Variants in LRFN2 observed in about 807,000 individuals in gnomAD.
LRFN2 encodes the protein leucine-rich repeat and fibronectin type-III domain-containing protein 2.
A neutral mutation model predicts 37.3 loss-of-function variants in LRFN2; 18 were observed. That is an observed-to-expected ratio of 0.48 (90% CI 0.33 to 0.72). LRFN2 has a LOEUF of 0.72. Ranked by LOEUF, LRFN2 falls within the 30% of genes least tolerant of loss-of-function variation. LRFN2 has a pLI of 0.02. For missense variants in LRFN2, 1,006 were observed against 1,060.7 expected (o/e 0.95, Z 0.72); for synonymous variants, 556 against 466.6 (o/e 1.19, Z -2.47).
intron 1 of LRFN2, among the ~76,000 whole-genome samples, chr6:40,490,086 C>T (rs2113869169): frequency 6.6e-6 from 1 of 152,280 alleles, no homozygotes; most frequent in East Asian, 1.9e-4. Context: ...AAGAAGGGCC[C>T]AGCACCTACT....
At chr6:40,485,923 A>T (rs528341900) in intron 1 of LRFN2, among the ~76,000 whole-genome samples, 13 of 152,324 alleles carry the variant, frequency 8.5e-5, no homozygotes, top group African/African-American at 3.1e-4. Context: ...CTCAGCTAAT[A>T]AATGTGTTAT....
At chr6:40,489,430 G>T (rs565614170) in intron 1 of LRFN2, among the ~76,000 whole-genome samples, 33 of 152,332 alleles carry the variant, frequency 2.2e-4, no homozygotes, top group African/African-American at 7.5e-4. Flanking sequence ...AGAGGCACCT[G>T]CAGACCTCCT....
At chr6:40,508,103 G>A (rs898512811) in intron 1 of LRFN2, among the ~76,000 whole-genome samples, 11 of 152,268 alleles carry the variant, frequency 7.2e-5, no homozygotes, top group Non-Finnish European at 7.4e-5. Flanking sequence ...TTCACCAGCC[G>A]TCACCTTGGG....
intron 1 of LRFN2, among the ~76,000 whole-genome samples, chr6:40,466,055 G>A (rs776635806): frequency 2.0e-5 from 3 of 152,190 alleles, no homozygotes; most frequent in Non-Finnish European, 4.4e-5. Flanking sequence ...AGCAAGGGAA[G>A]ACTTGAGGCT....
intron 1 of LRFN2, among the ~76,000 whole-genome samples, chr6:40,499,141 C>T (rs1253489430): frequency 6.6e-6 from 1 of 152,192 alleles, no homozygotes; most frequent in Non-Finnish European, 1.5e-5. Context: ...TTGTCCATTC[C>T]TCTACCAGGC....
chr6:40,519,429 C>G (rs1477585920), intron 1 of LRFN2, among the ~76,000 whole-genome samples: 3 of 152,154 alleles, frequency 2.0e-5, no homozygotes, highest in Non-Finnish European at 4.4e-5. Context: ...GAGAATACAC[C>G]CCTTGACTTT....
chr6:40,448,540 A>T (rs1169716476), intron 1 of LRFN2, among the ~76,000 whole-genome samples: 1 of 152,226 alleles, frequency 6.6e-6, no homozygotes, highest in Admixed American at 6.5e-5. Context: ...TTGGATTCTT[A>T]TCTTGCTGCA....
chr6:40,563,646 C>T (rs574161315), intron 1 of LRFN2, among the ~76,000 whole-genome samples: 2 of 152,288 alleles, frequency 1.3e-5, no homozygotes, highest in African/African-American at 4.8e-5. Flanking sequence ...ACACTGAGGG[C>T]CTGCCATGAG....
intron 1 of LRFN2, among the ~76,000 whole-genome samples, chr6:40,478,358 C>T (rs541296997): frequency 1.1e-3 from 172 of 152,280 alleles, no homozygotes; most frequent in African/African-American, 3.9e-3. Context: ...TCACCACCAC[C>T]ATGGTTAATA....
chr6:40,499,433 G>T (rs2113875140), intron 1 of LRFN2, among the ~76,000 whole-genome samples: 1 of 152,152 alleles, frequency 6.6e-6, no homozygotes, highest in African/African-American at 2.4e-5. Context: ...GTAAAAATGT[G>T]CTTTGGGCGG....
At chr6:40,474,426 T>G (rs1240156136) in intron 1 of LRFN2, among the ~76,000 whole-genome samples, 1 of 152,224 alleles carries the variant, frequency 6.6e-6, no homozygotes, top group Non-Finnish European at 1.5e-5. Context: ...TCTCCTTTTT[T>G]GTCTGTTATA....
intron 1 of LRFN2, among the ~76,000 whole-genome samples, chr6:40,441,699 C>T (rs1229961942): frequency 1.3e-5 from 2 of 152,292 alleles, no homozygotes; most frequent in East Asian, 3.9e-4. Context: ...TGCTCCTCCT[C>T]TCCCTGCCTA....
At chr6:40,525,637 C>T (rs765061924) in intron 1 of LRFN2, among the ~76,000 whole-genome samples, 12 of 152,204 alleles carry the variant, frequency 7.9e-5, no homozygotes, top group Non-Finnish European at 1.6e-4. Context: ...TTTACACATG[C>T]TCCGAGCCCA....
At chr6:40,575,560 G>A (rs986602615) in intron 1 of LRFN2, among the ~76,000 whole-genome samples, 6 of 152,192 alleles carry the variant, frequency 3.9e-5, no homozygotes, top group African/African-American at 1.4e-4. Context: ...TGGGGTAAAG[G>A]AACTTGGCCC....
At chr6:40,586,650 C>T (rs986367024) in intron 1 of LRFN2, among the ~76,000 whole-genome samples, 5 of 152,162 alleles carry the variant, frequency 3.3e-5, no homozygotes, top group Non-Finnish European at 5.9e-5. Flanking sequence ...CGTGGCTCCC[C>T]GTCTCTCCAT....
intron 2 of LRFN2, among the ~76,000 whole-genome samples, chr6:40,406,401 G>T (rs540412033): frequency 1.3e-5 from 2 of 152,300 alleles, no homozygotes; most frequent in South Asian, 4.1e-4. Context: ...CTGTTTTGGT[G>T]CAGGCCACTG....
intron 1 of LRFN2, among the ~76,000 whole-genome samples, chr6:40,546,833 G>A (rs1034993420): frequency 1.6e-4 from 24 of 152,204 alleles, no homozygotes; most frequent in Non-Finnish European, 2.8e-4. Flanking sequence ...GAGGCAAGGA[G>A]TGAGTATGCG....
intron 1 of LRFN2, among the ~76,000 whole-genome samples, chr6:40,490,225 G>A (rs1242828505): frequency 6.6e-6 from 1 of 152,208 alleles, no homozygotes; most frequent in African/African-American, 2.4e-5. Flanking sequence ...GTACAAGTGG[G>A]GAGATGGAAG....
chr6:40,584,115 A>G (rs541171124), intron 1 of LRFN2, among the ~76,000 whole-genome samples: 1 of 152,268 alleles, frequency 6.6e-6, no homozygotes, highest in African/African-American at 2.4e-5. Flanking sequence ...CAATCAGCTT[A>G]TGTCTGATGG....
Sources: gnomAD v4.1 joint callset for allele counts (sites outside exome capture counted in the v4.1 genomes callset) on GRCh38, gnomAD v4.1.1 for gene constraint, MANE v1.5 for transcripts, NCBI Gene and HGNC (gene_info 2026-07-23, HGNC 2026-07-21) for gene names.